Variants in RAB11B observed in about 807,000 individuals in gnomAD.
RAB11B encodes the protein RAB11B, member RAS oncogene family.
Under a neutral mutation model 23.7 loss-of-function variants are expected in RAB11B, and 7 were observed. That is an observed-to-expected ratio of 0.29 (90% CI 0.17 to 0.55). The LOEUF (loss-of-function observed/expected upper bound fraction) is 0.55. Ranked by LOEUF, RAB11B falls within the 20% of genes least tolerant of loss-of-function variation. The pLI is 0.93. For synonymous variants in RAB11B, 138 were observed against 132.0 expected (o/e 1.05, Z -0.31); for missense variants, 189 against 320.0 (o/e 0.59, Z 3.12).
intron 1 of RAB11B, among the ~76,000 whole-genome samples, chr19:8,397,171 G>C (rs1971403707): frequency 6.6e-6 from 1 of 152,192 alleles, no homozygotes; most frequent in African/African-American, 2.4e-5. Flanking sequence ...GAGTGATCGG[G>C]AGCTTGGCTC....
At position 8,402,185 on chromosome 19, in the gene RAB11B, C is replaced by T. The variant is rs143585074; in HGVS notation, c.336C>T (p.His112=). 35 of 1,597,730 alleles carry T rather than the reference C, an allele frequency of 2.2e-5. No individual in the cohort carries two copies. The African/African-American group carries it at 3.2e-4, about 15-fold the overall frequency. The change falls in exon 3 of 5, where the codon CAC becomes CAT. Residue 112 remains histidine, a synonymous_variant. Transcript: ENST00000328024. ...VERWLKELRD[H]ADSNIVIMLV... ...GCTGGCTGAAGGAGCTGCGGGACCA[C>T]GCAGACAGCAACATCGTCATCATGC... is the stretch of plus-strand genomic sequence containing the variant.
intron 1 of RAB11B, among the ~76,000 whole-genome samples, chr19:8,394,807 A>G (rs778137193): frequency 6.6e-6 from 1 of 152,202 alleles, no homozygotes; most frequent in Non-Finnish European, 1.5e-5. Context: ...GTGCACGCCT[A>G]TAATCCCGGC....
At position 8,392,204 on chromosome 19, in the gene RAB11B, C is replaced by G. The variant is rs146894998; in HGVS notation, c.40+1748C>G. ...GGGTGTTGCTCCCCACATGCCCCAT[C>G]CAGGTTTCTGTGGTTATCCCCTGCT... On this transcript the variant is annotated intron_variant, in intron 1 of 4. Coordinates refer to ENST00000328024, the MANE Select transcript of RAB11B (RefSeq NM_004218.4). Among the ~76,000 whole-genome samples the G allele has an allele frequency of 2.9e-3, 436 of 152,206 alleles. 1 individual carries two copies. The highest frequency in any genetic ancestry group is 4.0e-3 in the Admixed American group (61 of 15,292).
intron 2 of RAB11B, among the ~76,000 whole-genome samples, chr19:8,401,119 C>T (rs1041341425): frequency 2.0e-5 from 3 of 152,080 alleles, no homozygotes; most frequent in Admixed American, 1.3e-4. Flanking sequence ...CTCACTCTGT[C>T]GCCCAGGCTG....
Position 8,390,388 on chromosome 19 carries a change from T to G in RAB11B, c.-29T>G. The G allele has an allele frequency of 6.6e-7, 1 of 1,524,266 alleles. No homozygotes were observed. The allele number at this position is 1,524,266 out of a possible 1,614,324, so 94.4% of individuals were successfully genotyped here. On this transcript the variant is annotated 5_prime_UTR_variant, in exon 1 of 5. Coordinates refer to ENST00000328024, the MANE Select transcript of RAB11B (RefSeq NM_004218.4). ...GGGTGTTTGTGGTGGGGCTGCGGAG[T>G]CGCCGATCCCGCCGGAAGCGCCAGG...
At chr19:8,399,330 C>T (rs371978093) in intron 1 of RAB11B, among the ~76,000 whole-genome samples, 10 of 152,174 alleles carry the variant, frequency 6.6e-5, no homozygotes, top group Non-Finnish European at 1.3e-4. Flanking sequence ...TCAAGTGATC[C>T]GCCTGGCTCA....
chr19:8,390,624 G>T lies in RAB11B; in HGVS notation c.40+168G>T, dbSNP rs920843938. ...GCCGACCGGGCAGCATCAGCTTCGGGCTAGGATGCGCGGCTATACGGAGCC... is the reference window on the plus strand; with the variant it reads ...GCCGACCGGGCAGCATCAGCTTCGGTCTAGGATGCGCGGCTATACGGAGCC... On this transcript the variant is annotated intron_variant, in intron 1 of 4. Transcript: ENST00000328024. 6.1e-6 allele frequency: 4 copies of T among 660,766 alleles called. No individual in the cohort carries two copies. The East Asian group carries it at 1.5e-4, about 25-fold the overall frequency. 40.9% of individuals were successfully genotyped at this position (660,766 alleles called of 1,614,324 possible).
chr19:8,394,790 C>T (rs1051834875), intron 1 of RAB11B, among the ~76,000 whole-genome samples: 5 of 152,172 alleles, frequency 3.3e-5, no homozygotes, highest in Non-Finnish European at 5.9e-5. Context: ...ATTATCTGGG[C>T]GTCGTGGTGC....
intron 1 of RAB11B, 26 bp from the exon 2 acceptor site, chr19:8,399,837 T>C (rs1971423994): frequency 6.2e-7 from 1 of 1,605,552 alleles, no homozygotes; most frequent in Non-Finnish European, 8.5e-7. Flanking sequence ...GTGTGGGGAT[T>C]CACAGAACCT....
chr19:8,390,894 AGGCGG>A (rs1333924854), intron 1 of RAB11B, among the ~76,000 whole-genome samples: 4 of 119,978 alleles, frequency 3.3e-5, no homozygotes, highest in Non-Finnish European at 3.3e-5. Context: ...GGGCAAACGG[AGGCGG>A]GGCTCTCACG....
At chr19:8,400,738 C>T (rs573773940) in intron 2 of RAB11B, among the ~76,000 whole-genome samples, 39 of 152,182 alleles carry the variant, frequency 2.6e-4, no homozygotes, top group African/African-American at 8.9e-4. Flanking sequence ...AGGCACATGC[C>T]GCCATACCAG....
At position 8,399,904 on chromosome 19, in the gene RAB11B, C is replaced by T. The variant is rs2145511490; in HGVS notation, c.82C>T (p.Leu28=). The change falls in exon 2 of 5, where the codon CTG becomes TTG. Residue 28 remains leucine (L), a synonymous_variant. Transcript: ENST00000328024. The part of the protein sequence containing the change: ...GDSGVGKSNL[L]SRFTRNEFNL... Reference sequence around the variant, plus strand: ...CTCAGGCGTGGGCAAGAGCAACCTGCTGTCGCGCTTCACCCGCAACGAGTT... The same window carrying T: ...CTCAGGCGTGGGCAAGAGCAACCTGTTGTCGCGCTTCACCCGCAACGAGTT... The T allele has an allele frequency of 6.2e-7, 1 of 1,614,226 alleles. No homozygotes were observed. Among genetic ancestry groups the T allele is most frequent in the South Asian group, 1.1e-5 (1 of 91,090 alleles).
intron 1 of RAB11B, among the ~76,000 whole-genome samples, chr19:8,398,171 G>GA (rs1971410873): frequency 6.6e-6 from 1 of 152,154 alleles, no homozygotes; most frequent in South Asian, 2.1e-4. Flanking sequence ...GCTCACCCCT[G>GA]GCCTGACCAG....
At chr19:8,392,937 C>T (rs1368260200) in intron 1 of RAB11B, among the ~76,000 whole-genome samples, 21 of 151,004 alleles carry the variant, frequency 1.4e-4, no homozygotes, top group South Asian at 6.3e-4. Flanking sequence ...CCACCTGTCT[C>T]GGCCTCCCAA....
chr19:8,400,930 C>A (rs573815533), intron 2 of RAB11B, among the ~76,000 whole-genome samples: 9 of 152,218 alleles, frequency 5.9e-5, no homozygotes, highest in African/African-American at 1.7e-4. Flanking sequence ...CTTGCTCTGT[C>A]GCCCAGGCTG....
At chr19:8,397,994 G>C (rs1442272767) in intron 1 of RAB11B, among the ~76,000 whole-genome samples, 1 of 152,124 alleles carries the variant, frequency 6.6e-6, no homozygotes, top group African/African-American at 2.4e-5. Flanking sequence ...TTCTGGCTGG[G>C]GCGTCTGGTT....
intron 1 of RAB11B, among the ~76,000 whole-genome samples, chr19:8,393,118 C>T (rs1429688223): frequency 2.0e-5 from 3 of 152,096 alleles, no homozygotes; most frequent in South Asian, 2.1e-4. Flanking sequence ...TTCTTTCCTT[C>T]CCCCAGGAAT....
At chr19:8,399,145 G>A (rs1971418684) in intron 1 of RAB11B, among the ~76,000 whole-genome samples, 1 of 151,990 alleles carries the variant, frequency 6.6e-6, no homozygotes, top group African/African-American at 2.4e-5. Flanking sequence ...AGTGGAGATG[G>A]GGTTTCACCA....
At chr19:8,400,709 C>T (rs1042143978) in intron 2 of RAB11B, among the ~76,000 whole-genome samples, 2 of 152,122 alleles carry the variant, frequency 1.3e-5, no homozygotes, top group African/African-American at 4.8e-5. Flanking sequence ...GCCTCAGCCT[C>T]CCAAGTAGCT....
Sources: gnomAD v4.1 joint callset for allele counts (sites outside exome capture counted in the v4.1 genomes callset) on GRCh38, gnomAD v4.1.1 for gene constraint, MANE v1.5 for transcripts, NCBI Gene and HGNC (gene_info 2026-07-23, HGNC 2026-07-21) for gene names.